Variants in PKHD1 observed in about 807,000 individuals in gnomAD.
PKHD1 encodes the protein PKHD1 ciliary IPT domain containing fibrocystin/polyductin.
A neutral mutation model predicts 412.0 loss-of-function variants in PKHD1; 291 were observed. The ratio of observed to expected loss-of-function variants is 0.71; its 90% CI spans 0.64 to 0.78. The LOEUF (loss-of-function observed/expected upper bound fraction) is 0.78. Ranked by LOEUF, PKHD1 falls within the 30% of genes least tolerant of loss-of-function variation. The pLI is 0.00. For missense variants in PKHD1, 4,825 were observed against 4,950.7 expected (o/e 0.97, Z 0.76); for synonymous variants, 1,777 against 1,821.5 (o/e 0.98, Z 0.62).
chr6:51,891,696 C>CA (rs142349236), intron 43 of PKHD1, among the ~76,000 whole-genome samples: 4,927 of 149,966 alleles, frequency 0.033, 301 homozygotes, highest in African/African-American at 0.12. Context: ...CTGAATGTAC[C>CA]ACATGTTCCA....
chr6:51,930,104 G>C (rs1322904506), intron 37 of PKHD1, among the ~76,000 whole-genome samples: 1 of 152,190 alleles, frequency 6.6e-6, no homozygotes, highest in Non-Finnish European at 1.5e-5. Context: ...CAACCCACTT[G>C]AAAAGTGACA....
chr6:51,843,622 C>T (rs939812633), intron 50 of PKHD1, among the ~76,000 whole-genome samples: 1 of 152,190 alleles, frequency 6.6e-6, no homozygotes, highest in Non-Finnish European at 1.5e-5. Context: ...TATAAAAGAA[C>T]ACTTGTTCTA....
chr6:52,028,151 C>T lies in PKHD1; in HGVS notation c.3560+5G>A, dbSNP rs1232304254. The T allele has an allele frequency of 1.2e-6, 2 of 1,613,388 alleles. No homozygotes were observed. Among genetic ancestry groups the T allele is most frequent in the Admixed American group, 1.7e-5 (1 of 60,022 alleles). On this transcript the variant is annotated splice_donor_5th_base_variant and intron_variant, in intron 30 of 66. Transcript: ENST00000371117. Reference sequence around the variant, plus strand: ...ATCCAAAATTAATGCAAGTGGTCACCTCACCCTTGTGAGTGAATGCTGACC... The same window carrying T: ...ATCCAAAATTAATGCAAGTGGTCACTTCACCCTTGTGAGTGAATGCTGACC...
At chr6:51,993,323 T>A (rs892531215) in intron 35 of PKHD1, among the ~76,000 whole-genome samples, 24 of 152,236 alleles carry the variant, frequency 1.6e-4, no homozygotes, top group African/African-American at 5.5e-4. Context: ...CAGCATCTTT[T>A]ACACATCTCA....
chr6:51,897,988 A>G (rs1362769795), intron 43 of PKHD1, among the ~76,000 whole-genome samples: 1 of 151,838 alleles, frequency 6.6e-6, no homozygotes, highest in Non-Finnish European at 1.5e-5. Context: ...TATGCACCCA[A>G]TACAGGAGCA....
At chr6:51,831,868 T>C (rs1019314410) in intron 51 of PKHD1, among the ~76,000 whole-genome samples, 1 of 152,182 alleles carries the variant, frequency 6.6e-6, no homozygotes, top group Non-Finnish European at 1.5e-5. Context: ...CAATGGGGAC[T>C]GTCCAATAGC....
At chr6:51,634,349 T>A (rs1768271696) in intron 64 of PKHD1, among the ~76,000 whole-genome samples, 1 of 152,196 alleles carries the variant, frequency 6.6e-6, no homozygotes, top group South Asian at 2.1e-4. Flanking sequence ...ACATCATGTA[T>A]CTGAGCCATA....
intron 35 of PKHD1, among the ~76,000 whole-genome samples, chr6:52,002,054 T>C (rs12214361): frequency 0.02 from 3,048 of 152,252 alleles, 48 homozygotes; most frequent in South Asian, 0.047. Flanking sequence ...CCCTACAAGG[T>C]AGGAATTAAC....
intron 48 of PKHD1, among the ~76,000 whole-genome samples, chr6:51,856,332 GTTTGTTT>G (rs909737022): frequency 9.2e-5 from 14 of 152,202 alleles, no homozygotes; most frequent in Admixed American, 5.9e-4. Context: ...TTTTTATTTT[GTTTGTTT>G]TTTGTTTTTC....
At chr6:51,890,591 G>A (rs1020514854) in intron 43 of PKHD1, among the ~76,000 whole-genome samples, 1 of 151,934 alleles carries the variant, frequency 6.6e-6, no homozygotes, top group African/African-American at 2.4e-5. Flanking sequence ...CGGAGGTAGT[G>A]TTTGATTTCT....
At chr6:51,727,735 T>A (rs1782753083) in intron 60 of PKHD1, among the ~76,000 whole-genome samples, 1 of 152,196 alleles carries the variant, frequency 6.6e-6, no homozygotes, top group Non-Finnish European at 1.5e-5. Flanking sequence ...TGTCTCTTAG[T>A]GCATATGCCC....
At chr6:51,637,570 T>C (rs1234475144) in intron 64 of PKHD1, among the ~76,000 whole-genome samples, 1 of 150,730 alleles carries the variant, frequency 6.6e-6, no homozygotes, top group Non-Finnish European at 1.5e-5. Flanking sequence ...CAGGGAGCAA[T>C]AATATTATCT....
At chr6:52,010,233 G>T in intron 35 of PKHD1, 76 bp downstream of exon 35, 3 of 1,332,126 alleles carry the variant, frequency 2.3e-6, no homozygotes, top group Non-Finnish European at 3.2e-6. Flanking sequence ...GGACTAAATT[G>T]TTTTTTTAAT....
chr6:51,856,108 G>C, intron 48 of PKHD1, 38 bp from the exon 49 acceptor site: 1 of 1,222,322 alleles, frequency 8.2e-7, no homozygotes, highest in Non-Finnish European at 1.2e-6. Context: ...TGGGTTGAGA[G>C]ATTATTTGCT....
intron 54 of PKHD1, 49 bp from the exon 55 acceptor site, chr6:51,772,838 T>G: frequency 2.9e-6 from 3 of 1,042,282 alleles, no homozygotes; most frequent in Non-Finnish European, 4.5e-6. Context: ...TTCAGAGGAA[T>G]GAAAGCCAGG....
chr6:51,664,212 A>T (rs1037482241), intron 60 of PKHD1, among the ~76,000 whole-genome samples: 1 of 152,128 alleles, frequency 6.6e-6, no homozygotes, highest in Non-Finnish European at 1.5e-5. Context: ...TGGTCACCCA[A>T]GCCATTTCTG....
chr6:51,892,291 C>T (rs529112535), intron 43 of PKHD1, among the ~76,000 whole-genome samples: 20 of 152,320 alleles, frequency 1.3e-4, no homozygotes, highest in African/African-American at 3.1e-4. Flanking sequence ...GATGCCAACA[C>T]GACTTCAAAG....
At chr6:51,667,921 C>A (rs946249424) in intron 60 of PKHD1, among the ~76,000 whole-genome samples, 1 of 152,076 alleles carries the variant, frequency 6.6e-6, no homozygotes, top group African/African-American at 2.4e-5. Flanking sequence ...GTTTTGGTAG[C>A]AGTACCATGC....
chr6:51,849,288 T>C (rs1771761739), intron 49 of PKHD1, among the ~76,000 whole-genome samples: 1 of 152,240 alleles, frequency 6.6e-6, no homozygotes, highest in South Asian at 2.1e-4. Flanking sequence ...ACATTTTCTT[T>C]ATCCAGTCTA....
Sources: gnomAD v4.1 joint callset for allele counts (sites outside exome capture counted in the v4.1 genomes callset) on GRCh38, gnomAD v4.1.1 for gene constraint, MANE v1.5 for transcripts, NCBI Gene and HGNC (gene_info 2026-07-23, HGNC 2026-07-21) for gene names.